Variants in CNTNAP2 observed in about 807,000 individuals in gnomAD.
The protein encoded by CNTNAP2 is contactin-associated protein-like 2.
In CNTNAP2, 98 loss-of-function variants were observed where a neutral mutation model predicts 155.2. That is an observed-to-expected ratio of 0.63 (90% CI 0.54 to 0.75). CNTNAP2 has a LOEUF of 0.75. CNTNAP2 is among the 30% of genes least tolerant of loss of function. The pLI is 0.00. For synonymous variants in CNTNAP2, 651 were observed against 631.2 expected (o/e 1.03, Z -0.47); for missense variants, 1,727 against 1,688.1 (o/e 1.02, Z -0.40).
In CNTNAP2 at chr7:148,013,839, C is replaced by T. The variant is rs548040888; in HGVS notation, c.2383+35850C>T. Among the ~76,000 whole-genome samples, 22 of 152,098 alleles carry T rather than the reference C, an allele frequency of 1.4e-4. No homozygotes were observed. In the East Asian group the frequency reaches 4.1e-3, roughly 28 times the overall value. On this transcript the variant is annotated intron_variant, in intron 15 of 23. Transcript: ENST00000361727. Reference sequence around the variant, plus strand: ...GTAACAGCATGAGTAATATGGCCCTCTGTGGAATTTCTTGGTGGCAGTTGA... The same window carrying T: ...GTAACAGCATGAGTAATATGGCCCTTTGTGGAATTTCTTGGTGGCAGTTGA...
chr7:147,946,157 T>G (rs770415756), intron 14 of CNTNAP2, among the ~76,000 whole-genome samples: 1 of 152,168 alleles, frequency 6.6e-6, no homozygotes, highest in Non-Finnish European at 1.5e-5. Flanking sequence ...GGAAACTTCA[T>G]TCTTGACTTC....
chr7:148,231,708 T>C (rs1237039486), intron 20 of CNTNAP2, among the ~76,000 whole-genome samples: 3 of 152,160 alleles, frequency 2.0e-5, no homozygotes, highest in Non-Finnish European at 4.4e-5. Flanking sequence ...TCCTAGTTTC[T>C]TGACACTCAT....
At chr7:148,073,297 C>T (rs977219929) in intron 15 of CNTNAP2, among the ~76,000 whole-genome samples, 6 of 152,140 alleles carry the variant, frequency 3.9e-5, no homozygotes, top group South Asian at 2.1e-4. Context: ...ACCATAATAC[C>T]GTGGTCTTCC....
chr7:147,465,381 G>A (rs533691905), intron 10 of CNTNAP2, among the ~76,000 whole-genome samples: 11 of 152,208 alleles, frequency 7.2e-5, no homozygotes, highest in African/African-American at 2.7e-4. Flanking sequence ...ATAAATTGCA[G>A]TGATGTCAGT....
intron 8 of CNTNAP2, among the ~76,000 whole-genome samples, chr7:147,239,754 T>G (rs905958911): frequency 6.6e-6 from 1 of 152,188 alleles, no homozygotes; most frequent in Non-Finnish European, 1.5e-5. Flanking sequence ...GCAACATGAT[T>G]TTCCATGAAT....
chr7:148,211,153 A>C (rs751713632), intron 18 of CNTNAP2, among the ~76,000 whole-genome samples: 1 of 152,216 alleles, frequency 6.6e-6, no homozygotes, highest in Non-Finnish European at 1.5e-5. Context: ...CATTCTGGGC[A>C]ATGGAATTCA....
chr7:146,515,926 T>C (rs1797534505), intron 1 of CNTNAP2, among the ~76,000 whole-genome samples: 1 of 152,094 alleles, frequency 6.6e-6, no homozygotes, highest in Non-Finnish European at 1.5e-5. Flanking sequence ...AATATGTCAG[T>C]AAAATTGCTG....
rs116732558 is a variant in CNTNAP2 at position 147,047,844 on chromosome 7, G to T, written c.550+3790G>T. Among the ~76,000 whole-genome samples the T allele has an allele frequency of 8.5e-3, 1,296 of 152,218 alleles. 18 individuals are homozygous for T. The highest frequency in any genetic ancestry group is 0.029 in the African/African-American group (1,201 of 41,540). ...ACTTTTCCACTGTATAAGTCCCTTTGGGGGAAAATCATATAGCTTTGGGAA... is the reference window on the plus strand; with the variant it reads ...ACTTTTCCACTGTATAAGTCCCTTTTGGGGAAAATCATATAGCTTTGGGAA... On this transcript the variant is annotated intron_variant, in intron 4 of 23. Transcript: ENST00000361727.
At chr7:148,415,316 G>A in intron 23 of CNTNAP2, 101 bp from the exon 24 acceptor site, 1 of 1,190,432 alleles carries the variant, frequency 8.4e-7, no homozygotes, top group Non-Finnish European at 1.2e-6. Flanking sequence ...TGTTTTATAT[G>A]GGAGAGGGCT....
chr7:146,485,769 A>G (rs1163104609), intron 1 of CNTNAP2, among the ~76,000 whole-genome samples: 1 of 152,062 alleles, frequency 6.6e-6, no homozygotes, highest in Non-Finnish European at 1.5e-5. Context: ...TTCCTTAAAT[A>G]ATAACAGAGT....
intron 1 of CNTNAP2, among the ~76,000 whole-genome samples, chr7:146,735,192 T>G (rs1348579512): frequency 2.0e-5 from 3 of 152,322 alleles, no homozygotes; most frequent in Middle Eastern, 3.4e-3. Flanking sequence ...GTGATAAATA[T>G]AAATTCCTGA....
intron 1 of CNTNAP2, among the ~76,000 whole-genome samples, chr7:146,405,211 T>G (rs1795773400): frequency 6.6e-6 from 1 of 152,212 alleles, no homozygotes; most frequent in African/African-American, 2.4e-5. Context: ...AGCCCTGTCC[T>G]GATGGTAATT....
intron 13 of CNTNAP2, among the ~76,000 whole-genome samples, chr7:147,838,394 A>G (rs1367457222): frequency 6.6e-6 from 1 of 151,482 alleles, no homozygotes; most frequent in African/African-American, 2.4e-5. Context: ...CTCCTCAGAA[A>G]ATAGGATTTT....
chr7:147,910,033 A>G (rs575636575), intron 14 of CNTNAP2, among the ~76,000 whole-genome samples: 12 of 152,314 alleles, frequency 7.9e-5, no homozygotes, highest in Admixed American at 7.8e-4. Flanking sequence ...TCCATGACCA[A>G]CTTTTATAGC....
chr7:147,073,346 T>A (rs1326780678), intron 4 of CNTNAP2, among the ~76,000 whole-genome samples: 2 of 150,786 alleles, frequency 1.3e-5, no homozygotes, highest in African/African-American at 4.9e-5. Flanking sequence ...TACTGTATGT[T>A]CTCGCTTGTA....
intron 13 of CNTNAP2, among the ~76,000 whole-genome samples, chr7:147,769,615 A>G (rs371300835): frequency 1.3e-5 from 2 of 152,326 alleles, no homozygotes; most frequent in Admixed American, 6.5e-5. Flanking sequence ...AAGGCAAAGC[A>G]TACAGTAATT....
intron 13 of CNTNAP2, among the ~76,000 whole-genome samples, chr7:147,681,735 C>T (rs1795950022): frequency 1.3e-5 from 2 of 151,906 alleles, no homozygotes; most frequent in Admixed American, 1.3e-4. Context: ...CATGGTTTAG[C>T]TTTCTGTACT....
intron 15 of CNTNAP2, among the ~76,000 whole-genome samples, chr7:147,995,738 CT>C (rs1801793515): frequency 6.6e-6 from 1 of 152,118 alleles, no homozygotes; most frequent in African/African-American, 2.4e-5. Context: ...TGGTCACAAT[CT>C]CCTGACCTCG....
intron 1 of CNTNAP2, among the ~76,000 whole-genome samples, chr7:146,671,827 T>TTTTTTA (rs1563182048): frequency 7.0e-4 from 105 of 150,490 alleles, no homozygotes; most frequent in African/African-American, 2.5e-3. Flanking sequence ...TTTATTTTTA[T>TTTTTTA]TTTTTTTTGA....
Sources: gnomAD v4.1 joint callset for allele counts (sites outside exome capture counted in the v4.1 genomes callset) on GRCh38, gnomAD v4.1.1 for gene constraint, MANE v1.5 for transcripts, NCBI Gene and HGNC (gene_info 2026-07-23, HGNC 2026-07-21) for gene names.